CHST9: variants seen among roughly 807,000 people sequenced by gnomAD.
The protein encoded by CHST9 is GalNAc-4-sulfotransferase 2.
Under a neutral mutation model 44.4 loss-of-function variants are expected in CHST9, and 41 were observed. The observed-to-expected ratio is 0.92, with a 90% CI of 0.72 to 1.20. The LOEUF is 1.20. Ranked by LOEUF, CHST9 falls within the 50% of genes most tolerant of loss-of-function variation. CHST9 has a pLI of 0.00. For synonymous variants in CHST9, 171 were observed against 178.4 expected (o/e 0.96, Z 0.33); for missense variants, 504 against 516.5 (o/e 0.98, Z 0.23).
intron 2 of CHST9, among the ~76,000 whole-genome samples, chr18:27,090,036 C>T (rs1412601265): frequency 6.6e-6 from 1 of 152,124 alleles, no homozygotes; most frequent in Non-Finnish European, 1.5e-5. Context: ...TGGTCTCAAT[C>T]TCCTGACCTC....
chr18:26,916,441 T>C lies in CHST9; in HGVS notation c.1150A>G (p.Ile384Val), dbSNP rs1268700805. The C allele has an allele frequency of 5.0e-6, 8 of 1,613,740 alleles. No individual in the cohort carries two copies. In the African/African-American group the frequency reaches 8.0e-5, roughly 16 times the overall value. The change falls in exon 6 of 6, where the codon ATC becomes GTC. Residue 384 changes from isoleucine to valine, a missense_variant. By Grantham distance (29) the Ile-to-Val change is conservative. Coordinates refer to ENST00000618847, the MANE Select transcript of CHST9 (RefSeq NM_031422.6). ...AATTTCAGCTCCTTTGGAGCACCGA[T>C]CATCTGTAAAAAGTAATTGGCATCT... ...EEDANYFLQM[I>V]GAPKELKFPN...
At chr18:26,920,876 A>G (rs1375488883) in intron 5 of CHST9, among the ~76,000 whole-genome samples, 1 of 152,220 alleles carries the variant, frequency 6.6e-6, no homozygotes, top group African/African-American at 2.4e-5. Context: ...CTGCCAAATC[A>G]GATCAGTTCA....
chr18:27,144,870 C>T (rs2058598866), intron 1 of CHST9, among the ~76,000 whole-genome samples: 1 of 151,980 alleles, frequency 6.6e-6, no homozygotes, highest in Non-Finnish European at 1.5e-5. Context: ...CCCTGCGTTT[C>T]TACAGTCCTT....
At chr18:26,988,927 GA>G (rs1351872344) in intron 4 of CHST9, among the ~76,000 whole-genome samples, 2 of 151,982 alleles carry the variant, frequency 1.3e-5, no homozygotes, top group Non-Finnish European at 2.9e-5. Context: ...AAGAAAAAAT[GA>G]AATGAATTTT....
rs1186020324 is a variant in CHST9, at chr18:26,908,398, C to T, written c.*7861G>A. ...TGCCACTGCACTGCAGCCTGGGCGA[C>T]AAGAGTGAAACTCTGTCTCAAAAAA... On this transcript the variant is annotated 3_prime_UTR_variant, in exon 6 of 6. Transcript: ENST00000618847. The T allele has an allele frequency of 1.3e-5, 2 of 149,060 alleles. No individual in the cohort carries two copies. Among genetic ancestry groups the T allele is most frequent in the African/African-American group, 5.0e-5 (2 of 40,190 alleles). 9.2% of individuals were successfully genotyped at this position (149,060 alleles called of 1,614,324 possible).
chr18:26,936,887 T>C (rs2056002626), intron 5 of CHST9, among the ~76,000 whole-genome samples: 4 of 152,338 alleles, frequency 2.6e-5, no homozygotes, highest in Admixed American at 2.0e-4. Flanking sequence ...TAACTATTTT[T>C]ATTTTTCATA....
chr18:27,064,359 T>C (rs985795337), intron 2 of CHST9, among the ~76,000 whole-genome samples: 13 of 151,664 alleles, frequency 8.6e-5, no homozygotes, highest in Admixed American at 5.9e-4. Flanking sequence ...CTTCCAACAA[T>C]ATCCACCCAT....
chr18:27,084,660 C>A (rs2057993618), intron 2 of CHST9, among the ~76,000 whole-genome samples: 1 of 151,762 alleles, frequency 6.6e-6, no homozygotes, highest in African/African-American at 2.4e-5. Context: ...TAGTTCAGCT[C>A]TAATTTTGGT....
chr18:27,122,353 G>T (rs144606241), intron 2 of CHST9, among the ~76,000 whole-genome samples: 3 of 152,108 alleles, frequency 2.0e-5, no homozygotes, highest in Non-Finnish European at 4.4e-5. Flanking sequence ...TTACATTAAA[G>T]CTTTATAATA....
At chr18:26,954,475 A>G (rs557390015) in intron 4 of CHST9, among the ~76,000 whole-genome samples, 1 of 152,160 alleles carries the variant, frequency 6.6e-6, no homozygotes, top group South Asian at 2.1e-4. Context: ...TTCATCTTGT[A>G]GGCCTTGCAC....
chr18:27,045,813 C>T (rs147867473), intron 3 of CHST9, among the ~76,000 whole-genome samples: 153 of 152,056 alleles, frequency 1.0e-3, no homozygotes, highest in African/African-American at 3.0e-3. Context: ...ATCAATAGCC[C>T]GGACTGCAAT....
intron 5 of CHST9, among the ~76,000 whole-genome samples, chr18:26,941,414 A>T (rs988085078): frequency 3.3e-5 from 5 of 152,230 alleles, no homozygotes; most frequent in Non-Finnish European, 5.9e-5. Flanking sequence ...ATAATAAGGC[A>T]GTTTCCAAAA....
At chr18:26,991,116 G>A (rs537088727) in intron 4 of CHST9, among the ~76,000 whole-genome samples, 4 of 152,266 alleles carry the variant, frequency 2.6e-5, no homozygotes, top group South Asian at 2.1e-4. Flanking sequence ...GAGATTAGAC[G>A]GTGGTGAGTA....
chr18:27,054,726 C>T (rs2057633104), intron 2 of CHST9, among the ~76,000 whole-genome samples: 1 of 152,084 alleles, frequency 6.6e-6, no homozygotes, highest in Non-Finnish European at 1.5e-5. Context: ...CAATTTGATG[C>T]TGTCTCACCA....
At chr18:27,038,080 G>A (rs1175589440) in intron 3 of CHST9, among the ~76,000 whole-genome samples, 1 of 151,996 alleles carries the variant, frequency 6.6e-6, no homozygotes, top group Non-Finnish European at 1.5e-5. Flanking sequence ...CTTCTGCTAT[G>A]GGGTTATATT....
intron 2 of CHST9, among the ~76,000 whole-genome samples, chr18:27,115,139 C>T (rs2058309118): frequency 6.6e-6 from 1 of 152,140 alleles, no homozygotes; most frequent in Non-Finnish European, 1.5e-5. Flanking sequence ...CTTGAGGCCT[C>T]CCTAGTAATG....
intron 4 of CHST9, among the ~76,000 whole-genome samples, chr18:27,014,869 C>T (rs1440099465): frequency 2.6e-5 from 4 of 151,546 alleles, no homozygotes; most frequent in Admixed American, 2.6e-4. Context: ...TTTTGCTTTC[C>T]CAGTTTTTGT....
At chr18:27,153,644 C>T (rs1358580845) in intron 1 of CHST9, among the ~76,000 whole-genome samples, 8 of 151,562 alleles carry the variant, frequency 5.3e-5, no homozygotes, top group Non-Finnish European at 1.2e-4. Flanking sequence ...ATTTAGGGCC[C>T]ATCCAGCTAA....
At chr18:27,017,468 A>G (rs1299323438) in intron 4 of CHST9, among the ~76,000 whole-genome samples, 1 of 152,234 alleles carries the variant, frequency 6.6e-6, no homozygotes, top group Non-Finnish European at 1.5e-5. Context: ...CAATCTCAAA[A>G]TTATTACGGC....
Sources: gnomAD v4.1 joint callset for allele counts (sites outside exome capture counted in the v4.1 genomes callset) on GRCh38, gnomAD v4.1.1 for gene constraint, MANE v1.5 for transcripts, NCBI Gene and HGNC (gene_info 2026-07-23, HGNC 2026-07-21) for gene names.